The following SLC2A9 variants were observed in gnomAD, a reference collection of about 807,000 sequenced individuals.
The protein encoded by SLC2A9 is solute carrier family 2, facilitated glucose transporter member 9.
A neutral mutation model predicts 50.6 loss-of-function variants in SLC2A9; 39 were observed. That is an observed-to-expected ratio of 0.77 (90% CI 0.60 to 1.01). The LOEUF (loss-of-function observed/expected upper bound fraction) is 1.01, where lower values mean the gene tolerates loss of function less well. Among genes scored for constraint, SLC2A9 ranks in the 50% least tolerant of loss-of-function variants. The pLI is 0.00. For synonymous variants in SLC2A9, 324 were observed against 276.9 expected (o/e 1.17, Z -1.69); for missense variants, 686 against 677.6 (o/e 1.01, Z -0.14).
chr4:9,827,755 T>C (rs927712576), intron 11 of SLC2A9, among the ~76,000 whole-genome samples: 2 of 152,224 alleles, frequency 1.3e-5, no homozygotes, highest in Non-Finnish European at 2.9e-5. Context: ...TGCTTAGCTC[T>C]TGAGACTGTG....
chr4:9,894,022 T>C (rs1738058581), intron 8 of SLC2A9, among the ~76,000 whole-genome samples: 1 of 152,178 alleles, frequency 6.6e-6, no homozygotes, highest in Non-Finnish European at 1.5e-5. Context: ...GTGGGATAGA[T>C]GCTGTTTTAC....
chr4:9,879,963 A>G (rs765341225), intron 10 of SLC2A9: 6 of 985,292 alleles, frequency 6.1e-6, no homozygotes, highest in Non-Finnish European at 7.2e-6. Flanking sequence ...GTCTTCTTAC[A>G]TCGACCTGTT....
At chr4:10,007,942 T>C (rs1761086689) in intron 2 of SLC2A9, among the ~76,000 whole-genome samples, 1 of 152,236 alleles carries the variant, frequency 6.6e-6, no homozygotes, top group Admixed American at 6.5e-5. Context: ...GATGTCAGCA[T>C]ACAGCAGGTG....
Position 9,906,725 on chromosome 4 carries a change from C to A in SLC2A9, c.1113+1510G>T, listed in dbSNP as rs182691374. Reference sequence around the variant, plus strand: ...CACCAATAAAATACTTTACAAAAAACAAAAAACATCTCCCGTACTTCCCCC... The same window carrying A: ...CACCAATAAAATACTTTACAAAAAAAAAAAAACATCTCCCGTACTTCCCCC... On this transcript the variant is annotated intron_variant, in intron 8 of 11. Coordinates refer to ENST00000264784, the MANE Select transcript of SLC2A9 (RefSeq NM_020041.3). Among the ~76,000 whole-genome samples the A allele has an allele frequency of 2.6e-3, 394 of 152,228 alleles. 1 individual carries two copies. Among genetic ancestry groups the A allele is most frequent in the African/African-American group, 9.0e-3 (373 of 41,546 alleles).
intron 10 of SLC2A9, among the ~76,000 whole-genome samples, chr4:9,859,640 T>C (rs1231634540): frequency 2.0e-5 from 3 of 152,238 alleles, no homozygotes; most frequent in Non-Finnish European, 2.9e-5. Flanking sequence ...AAGCACTCTG[T>C]GCACAAGTGA....
rs371268431 is a variant in SLC2A9 at position 9,890,635 on chromosome 4, G to T, written c.1190C>A (p.Thr397Asn). The change falls in exon 9 of 12, where the codon ACC becomes AAC. Residue 397 changes from threonine (T) to asparagine (N), a missense_variant. Thr to Asn is a moderately conservative substitution (Grantham distance 65). Transcript: ENST00000264784. ...CTGCAGGGTCAGCGTGATGGTGAGG[G>T]TCCCAAAGAAGAGGCCCATGAGCCC... ...GFGLMGLFFG[T>N]LTITLTLQDH... 1.2e-5 allele frequency: 19 copies of T among 1,614,172 alleles called. No homozygotes were observed. The highest frequency in any genetic ancestry group is 2.2e-5 in the South Asian group (2 of 91,078).
chr4:9,823,323 C>T (rs957786776), downstream of SLC2A9, among the ~76,000 whole-genome samples: 22 of 152,212 alleles, frequency 1.4e-4, no homozygotes, highest in Middle Eastern at 3.4e-3. Flanking sequence ...GTGCTGTAAG[C>T]GGCTGGTACC....
intron 8 of SLC2A9, among the ~76,000 whole-genome samples, chr4:9,899,536 G>A (rs1177667237): frequency 6.6e-6 from 1 of 152,168 alleles, no homozygotes. Context: ...TTTATGTTCA[G>A]AGGACAGAGT....
chr4:9,852,905 C>T (rs2109327968), intron 10 of SLC2A9, among the ~76,000 whole-genome samples: 1 of 152,298 alleles, frequency 6.6e-6, no homozygotes, highest in Middle Eastern at 3.4e-3. Flanking sequence ...TTAAAAGGCA[C>T]AGAGGCCAGG....
chr4:9,947,775 T>C (rs1046433505), intron 5 of SLC2A9, among the ~76,000 whole-genome samples: 1 of 152,028 alleles, frequency 6.6e-6, no homozygotes, highest in Non-Finnish European at 1.5e-5. Flanking sequence ...GGAACAGCCC[T>C]GTAGCCCAGA....
intron 3 of SLC2A9, among the ~76,000 whole-genome samples, chr4:9,990,233 T>C (rs1246450643): frequency 6.6e-6 from 1 of 152,114 alleles, no homozygotes. Context: ...TGTGCAAGCA[T>C]ACAAGGATGC....
chr4:10,026,952 G>A (rs1194337416), intron 1 of SLC2A9, among the ~76,000 whole-genome samples: 2 of 152,098 alleles, frequency 1.3e-5, no homozygotes, highest in South Asian at 4.1e-4. Context: ...GCTGAGGCAG[G>A]AGAATTGCTT....
intron 8 of SLC2A9, among the ~76,000 whole-genome samples, chr4:9,903,912 TAA>T (rs1740139613): frequency 6.8e-6 from 1 of 147,784 alleles, no homozygotes; most frequent in Non-Finnish European, 1.5e-5. Flanking sequence ...AATAAATATA[TAA>T]AATATATCTA....
intron 3 of SLC2A9, among the ~76,000 whole-genome samples, chr4:9,803,278 G>T (rs1721701295): frequency 6.6e-6 from 1 of 152,242 alleles, no homozygotes; most frequent in South Asian, 2.1e-4. Flanking sequence ...GCTTGAGGTT[G>T]TTACTGTGAT....
intron 3 of SLC2A9, among the ~76,000 whole-genome samples, chr4:9,787,306 G>A (rs1340367924): frequency 6.6e-6 from 1 of 152,184 alleles, no homozygotes; most frequent in Admixed American, 6.5e-5. Flanking sequence ...CTTCATGGGA[G>A]GAGTGCCAAA....
chr4:9,905,102 G>C (rs145432236), intron 8 of SLC2A9, among the ~76,000 whole-genome samples: 1 of 152,160 alleles, frequency 6.6e-6, no homozygotes, highest in Non-Finnish European at 1.5e-5. Flanking sequence ...TCTAGATCAC[G>C]GCAACGTCAC....
intron 7 of SLC2A9, among the ~76,000 whole-genome samples, chr4:9,917,707 T>C (rs1168521341): frequency 6.6e-6 from 1 of 152,182 alleles, no homozygotes; most frequent in African/African-American, 2.4e-5. Flanking sequence ...CCATCTGTGA[T>C]GTTTGCTTGA....
chr4:9,812,814 G>A (rs528448682), intron 3 of SLC2A9, among the ~76,000 whole-genome samples: 1 of 152,124 alleles, frequency 6.6e-6, no homozygotes, highest in East Asian at 1.9e-4. Flanking sequence ...TTACTTCCAA[G>A]CTCTAGTTCT....
intron 6 of SLC2A9, among the ~76,000 whole-genome samples, chr4:9,937,614 C>T (rs1747325364): frequency 6.6e-6 from 1 of 151,940 alleles, no homozygotes; most frequent in South Asian, 2.1e-4. Context: ...TCCCTCTGCC[C>T]GGTTTAGGAG....
Sources: allele counts gnomAD v4.1 joint callset (sites outside exome capture counted in the v4.1 genomes callset), GRCh38; gene constraint gnomAD v4.1.1; transcripts MANE v1.5; gene names NCBI Gene and HGNC (gene_info 2026-07-23, HGNC 2026-07-21).